DPP6: variants seen among roughly 807,000 people sequenced by gnomAD.
The protein encoded by DPP6 is A-type potassium channel modulatory protein DPP6.
A neutral mutation model predicts 122.6 loss-of-function variants in DPP6; 69 were observed. The observed-to-expected ratio is 0.56, with a 90% CI of 0.46 to 0.69. DPP6 has a LOEUF of 0.69. Among genes scored for constraint, DPP6 ranks in the 30% least tolerant of loss-of-function variants. DPP6 has a pLI of 0.00. For synonymous variants in DPP6, 418 were observed against 433.1 expected (o/e 0.97, Z 0.43); for missense variants, 928 against 1,116.9 (o/e 0.83, Z 2.41).
chr7:154,192,902 C>T (rs967083585), intron 1 of DPP6, among the ~76,000 whole-genome samples: 2 of 152,174 alleles, frequency 1.3e-5, no homozygotes, highest in African/African-American at 4.8e-5. Context: ...CCCTGTTGTA[C>T]GGAAGTCCAG....
chr7:154,376,160 GC>G (rs1229216770), intron 1 of DPP6, among the ~76,000 whole-genome samples: 18 of 152,154 alleles, frequency 1.2e-4, no homozygotes, highest in Non-Finnish European at 7.4e-5. Context: ...TAATTTGCTG[GC>G]CATGTGGAGA....
At chr7:154,510,148 A>T (rs10260955) in intron 3 of DPP6, among the ~76,000 whole-genome samples, 43,493 of 152,002 alleles carry the variant, frequency 0.29, 6,491 homozygotes, top group Non-Finnish European at 0.31. Flanking sequence ...ATTATTGTTA[A>T]TAAGATACTG....
At chr7:154,703,688 A>G (rs1840658755) in intron 7 of DPP6, among the ~76,000 whole-genome samples, 1 of 152,034 alleles carries the variant, frequency 6.6e-6, no homozygotes, top group African/African-American at 2.4e-5. Context: ...CTGTACTTGC[A>G]GCACTTTAGA....
chr7:154,259,236 G>A (rs773736417), intron 1 of DPP6, among the ~76,000 whole-genome samples: 10 of 152,220 alleles, frequency 6.6e-5, no homozygotes, highest in Non-Finnish European at 1.3e-4. Flanking sequence ...TTAACCTGAT[G>A]CTCAAATTGT....
chr7:153,924,266 G>A (rs572134364), intron 1 of DPP6, among the ~76,000 whole-genome samples: 11 of 151,898 alleles, frequency 7.2e-5, no homozygotes, highest in East Asian at 1.9e-4. Context: ...ATGTCACCAC[G>A]CTCAACTAAT....
At chr7:154,585,896 C>T (rs558705294) in intron 5 of DPP6, among the ~76,000 whole-genome samples, 1 of 152,112 alleles carries the variant, frequency 6.6e-6, no homozygotes, top group South Asian at 2.1e-4. Context: ...AAGCTGGAGG[C>T]AGGGCACTGG....
intron 16 of DPP6, among the ~76,000 whole-genome samples, chr7:154,841,955 C>T (rs553965451): frequency 1.1e-4 from 16 of 152,238 alleles, no homozygotes; most frequent in South Asian, 2.1e-4. Context: ...CAAAACCTGT[C>T]GGCAGTGTTG....
At position 154,600,329 on chromosome 7, in the gene DPP6, A is replaced by G. The variant is rs545646698; in HGVS notation, c.627+33413A>G. Reference sequence around the variant, plus strand: ...TTTTTTGTAGACATGGGGTTTCACCATGTTGGCCAGGCTGGTCTCGAACTC... The same window carrying G: ...TTTTTTGTAGACATGGGGTTTCACCGTGTTGGCCAGGCTGGTCTCGAACTC... On this transcript the variant is annotated intron_variant, in intron 5 of 25. Coordinates refer to ENST00000377770, the MANE Select transcript of DPP6 (RefSeq NM_130797.4). 5.1e-5 allele frequency among the ~76,000 whole-genome samples: 6 copies of G among 118,258 alleles called. 1 individual carries two copies. Among genetic ancestry groups the G allele is most frequent in the Non-Finnish European group, 7.6e-5 (4 of 52,756 alleles). The allele number at this position is 118,258 out of a possible 152,430, so 77.6% of individuals were successfully genotyped here.
At chr7:154,885,411 C>G in intron 21 of DPP6, 1 of 569,082 alleles carries the variant, frequency 1.8e-6, no homozygotes, top group Non-Finnish European at 3.0e-6. Context: ...ACACCAAGGC[C>G]CAGAAGCGGA....
chr7:153,820,937 G>A, the DPP6 span, among the ~76,000 whole-genome samples: 5 of 135,698 alleles, frequency 3.7e-5, no homozygotes, highest in African/African-American at 1.3e-4. Flanking sequence ...CTGCTTCCTG[G>A]GCATACAGAG....
the DPP6 span, among the ~76,000 whole-genome samples, chr7:153,749,108 G>A: frequency 6.6e-6 from 1 of 152,132 alleles, no homozygotes. This position sits in a 1 kb window ranked among gnomAD's most constrained non-coding sequence, Gnocchi z 4.1. Context: ...TTTGTGGAGG[G>A]AGTGTGAGCA....
At chr7:154,226,146 A>G (rs1800586873) in intron 1 of DPP6, among the ~76,000 whole-genome samples, 1 of 152,148 alleles carries the variant, frequency 6.6e-6, no homozygotes, top group African/African-American at 2.4e-5. Flanking sequence ...GGGGAGGAGA[A>G]ACCATGGCCA....
chr7:153,808,540 A>T, the DPP6 span, among the ~76,000 whole-genome samples: 2 of 152,024 alleles, frequency 1.3e-5, no homozygotes, highest in African/African-American at 4.8e-5. Context: ...TGCAGAGCTT[A>T]TTCAGCTTCT....
At chr7:154,887,868 C>G in intron 23 of DPP6, 134 bp downstream of exon 23, 1 of 1,017,006 alleles carries the variant, frequency 9.8e-7, no homozygotes, top group Non-Finnish European at 1.6e-6. Flanking sequence ...CCAAAGCCCA[C>G]TCAGAAACCT....
the DPP6 span, among the ~76,000 whole-genome samples, chr7:153,865,140 C>T: frequency 6.6e-5 from 10 of 152,144 alleles, no homozygotes; most frequent in Non-Finnish European, 1.2e-4. Flanking sequence ...ATTTTACACA[C>T]ACACATATCT....
intron 7 of DPP6, among the ~76,000 whole-genome samples, chr7:154,720,273 G>A (rs1314564136): frequency 6.6e-6 from 1 of 152,208 alleles, no homozygotes; most frequent in Non-Finnish European, 1.5e-5. Context: ...TCCAGGCAGG[G>A]CGCCAGGGCA....
chr7:154,838,583 A>T (rs1801268034), intron 16 of DPP6: 1 of 152,256 alleles, frequency 6.6e-6, no homozygotes, highest in Non-Finnish European at 1.5e-5. Context: ...CAAGATGCCC[A>T]GGACCGCAGC....
At chr7:153,877,618 T>C in the DPP6 span, among the ~76,000 whole-genome samples, 1 of 152,204 alleles carries the variant, frequency 6.6e-6, no homozygotes, top group Non-Finnish European at 1.5e-5. Flanking sequence ...TGAAATGTTA[T>C]GTCATGCATG....
intron 1 of DPP6, among the ~76,000 whole-genome samples, chr7:153,910,132 C>A (rs944883853): frequency 5.9e-5 from 9 of 152,056 alleles, no homozygotes; most frequent in African/African-American, 2.2e-4. Flanking sequence ...TGTCTTAAGT[C>A]AATTTAATTT....
Sources: allele counts gnomAD v4.1 joint callset (sites outside exome capture counted in the v4.1 genomes callset), GRCh38; gene constraint gnomAD v4.1.1; non-coding constraint Gnocchi (gnomAD v3.1); transcripts MANE v1.5; gene names NCBI Gene and HGNC (gene_info 2026-07-23, HGNC 2026-07-21).